Variants in DOP1A observed in about 807,000 individuals in gnomAD.
DOP1A encodes the protein protein DOP1A.
In DOP1A, 90 loss-of-function variants were observed where a neutral mutation model predicts 267.6. The observed-to-expected ratio is 0.34, with a 90% CI of 0.28 to 0.40. The LOEUF (loss-of-function observed/expected upper bound fraction) is 0.40, where lower values mean the gene tolerates loss of function less well. DOP1A is among the 10% of genes least tolerant of loss of function. The probability of loss-of-function intolerance (pLI) is 1.00; values close to 1 mark genes in which losing one functional copy is unlikely to be tolerated. For synonymous variants in DOP1A, 932 were observed against 999.1 expected (o/e 0.93, Z 1.27); for missense variants, 2,437 against 2,900.4 (o/e 0.84, Z 3.67).
chr6:83,157,135 G>A (rs1026421211), intron 34 of DOP1A, 47 bp from the exon 35 acceptor site: 6 of 1,585,920 alleles, frequency 3.8e-6, no homozygotes, highest in Non-Finnish European at 4.3e-6. Flanking sequence ...AAAGTTTTAT[G>A]TGATAAAGAT....
At chr6:83,118,355 G>T (rs1775815305) in intron 7 of DOP1A, among the ~76,000 whole-genome samples, 1 of 152,018 alleles carries the variant, frequency 6.6e-6, no homozygotes, top group Admixed American at 6.6e-5. Context: ...AAAAAGAAAT[G>T]GAACAAAATG....
intron 27 of DOP1A, 45 bp downstream of exon 27, chr6:83,148,908 T>C: frequency 1.7e-6 from 2 of 1,172,064 alleles, no homozygotes; most frequent in Non-Finnish European, 2.4e-6. Context: ...AGGATAATGT[T>C]AATTGTCCTA....
chr6:83,107,072 T>C (rs964778645), intron 4 of DOP1A, among the ~76,000 whole-genome samples: 4 of 152,016 alleles, frequency 2.6e-5, no homozygotes, highest in Non-Finnish European at 4.4e-5. Flanking sequence ...TTCATAAAAA[T>C]ATATATATAT....
rs185483797 is a variant in DOP1A, at chr6:83,116,579, G to A, written c.781-2309G>A. The stretch of plus-strand genomic sequence containing the variant: ...AATTCCAGCACTTTGGGAGGCCTAG[G>A]CAAGCAGATCACTTGAGGTCAGGAG... On this transcript the variant is annotated intron_variant, in intron 7 of 38. Coordinates refer to ENST00000349129, the MANE Select transcript of DOP1A (RefSeq NM_015018.4). Among the ~76,000 whole-genome samples the A allele has an allele frequency of 7.9e-3, 1,201 of 152,166 alleles. 17 individuals carry two copies. Among genetic ancestry groups the A allele is most frequent in the African/African-American group, 0.027 (1,137 of 41,516 alleles).
At position 83,117,684 on chromosome 6, in the gene DOP1A, A is replaced by G. The variant is rs954129527; in HGVS notation, c.781-1204A>G. Among the ~76,000 whole-genome samples the G allele has an allele frequency of 3.3e-5, 5 of 152,210 alleles. No individual in the cohort carries two copies. In the East Asian group the frequency reaches 7.7e-4, roughly 23 times the overall value. On this transcript the variant is annotated intron_variant, in intron 7 of 38. Transcript: ENST00000349129. ...ATATGTCAACAAAACAAAAAGCCCA[A>G]TAACATCTTTGTATTGTTATGAATA...
chr6:83,166,558 C>CA (rs368890859), intron 38 of DOP1A: 263 of 577,274 alleles, frequency 4.6e-4, no homozygotes, highest in South Asian at 8.7e-4. Flanking sequence ...AAGTCATTAG[C>CA]AAAAAAAAAG....
At chr6:83,122,282 G>A (rs1216361630) in intron 11 of DOP1A, among the ~76,000 whole-genome samples, 3 of 151,788 alleles carry the variant, frequency 2.0e-5, no homozygotes, top group Admixed American at 1.3e-4. Flanking sequence ...GGAGGAAATA[G>A]GTAATAGGCT....
chr6:83,131,775 A>G (rs1219438164), intron 17 of DOP1A, among the ~76,000 whole-genome samples: 2 of 151,954 alleles, frequency 1.3e-5, no homozygotes, highest in Non-Finnish European at 2.9e-5. Context: ...AGCTGGGATT[A>G]CAGGTGCATG....
chr6:83,129,366 C>T lies in DOP1A; in HGVS notation c.2199C>T (p.Asn733=). ...CACAAGGAGATGTAAAAGAGAAAAA[C>T]ATAAGTAAACAAAAAACTTCTAAAG... ...RNSQGDVKEK[N]ISKQKTSKEY... Residue 733 remains asparagine, a synonymous_variant, in exon 16 of 39, where the codon AAC becomes AAT. Coordinates refer to ENST00000349129, the MANE Select transcript of DOP1A (RefSeq NM_015018.4). 6.2e-7 allele frequency: 1 copy of T among 1,611,150 alleles called. No homozygotes were observed. The highest frequency in any genetic ancestry group is 1.7e-5 in the Admixed American group (1 of 59,354).
chr6:83,108,886 C>A, intron 4 of DOP1A, 24 bp from the exon 5 acceptor site: 1 of 1,597,360 alleles, frequency 6.3e-7, no homozygotes, highest in Non-Finnish European at 8.5e-7. Flanking sequence ...GCTTCCTTCT[C>A]CTTTGTCTTT....
intron 3 of DOP1A, among the ~76,000 whole-genome samples, chr6:83,099,708 G>GTGTGTGTA (rs1562294040): frequency 2.8e-5 from 2 of 72,004 alleles, no homozygotes; most frequent in African/African-American, 9.7e-5. Flanking sequence ...GTGTGTGTGT[G>GTGTGTGTA]TATATACATA....
chr6:83,096,013 A>G (rs1043263693), intron 1 of DOP1A, among the ~76,000 whole-genome samples: 6 of 152,160 alleles, frequency 3.9e-5, no homozygotes, highest in African/African-American at 1.4e-4. Context: ...CTTCTACCCT[A>G]TTCTTTTCAT....
Position 83,120,734 on chromosome 6 carries a change from A to G in DOP1A, c.1042A>G (p.Met348Val), listed in dbSNP as rs1222162715. ...VNGFGEENTL[M>V]QDLKPFRILI... ...TGGATTTGGAGAAGAGAACACTCTA[A>G]TGCAGGATCTAAAGCCTTTTCGCAT... Residue 348 changes from methionine (M) to valine (V), a missense_variant, in exon 10 of 39, where the codon ATG becomes GTG. Met to Val is a conservative substitution (Grantham distance 21). This residue lies in a region of DOP1A where 498 missense variants were observed against 513.5 expected (regional missense o/e 0.97). Transcript: ENST00000349129. The G allele has an allele frequency of 6.3e-7, 1 of 1,585,166 alleles. No homozygotes were observed. Among genetic ancestry groups the G allele is most frequent in the Non-Finnish European group, 8.6e-7 (1 of 1,159,966 alleles).
rs1268595360 is a variant in DOP1A, at chr6:83,096,950, C to T, written c.-28C>T. On this transcript the variant is annotated 5_prime_UTR_variant, in exon 3 of 39. Transcript: ENST00000349129. ...GTAATGACTTTACATGAGTTTGGAACTGGTCTCTAGTGGGAAGTTGTGGGA... is the reference window on the plus strand; with the variant it reads ...GTAATGACTTTACATGAGTTTGGAATTGGTCTCTAGTGGGAAGTTGTGGGA... 1.2e-6 allele frequency: 2 copies of T among 1,610,350 alleles called. No individual in the cohort carries two copies. Among genetic ancestry groups the T allele is most frequent in the South Asian group, 2.2e-5 (2 of 90,484 alleles).
intron 33 of DOP1A, 86 bp downstream of exon 33, chr6:83,154,327 G>A: frequency 2.4e-6 from 3 of 1,239,516 alleles, no homozygotes; most frequent in Non-Finnish European, 3.5e-6. Context: ...TGGAGACTAG[G>A]AGACTACTGA....
At chr6:83,158,104 T>C (rs1783237901) in intron 35 of DOP1A, among the ~76,000 whole-genome samples, 2 of 152,212 alleles carry the variant, frequency 1.3e-5, no homozygotes, top group South Asian at 4.1e-4. Flanking sequence ...GTTCAGGCCA[T>C]TCTCCTGCCT....
chr6:83,087,126 G>A (rs963103987), intron 1 of DOP1A, among the ~76,000 whole-genome samples: 2 of 152,100 alleles, frequency 1.3e-5, no homozygotes, highest in African/African-American at 4.8e-5. Context: ...TAGAGAATAT[G>A]GGTATAGGTG....
chr6:83,122,884 A>G lies in DOP1A; in HGVS notation c.1242A>G (p.Lys414=), dbSNP rs1435077768. 1 of 1,503,356 alleles carries G rather than the reference A, an allele frequency of 6.7e-7. No homozygotes were observed. Among genetic ancestry groups the G allele is most frequent in the Non-Finnish European group, 8.9e-7 (1 of 1,126,790 alleles). 93.1% of individuals were successfully genotyped at this position (1,503,356 alleles called of 1,614,324 possible). A position where few individuals can be genotyped will look rare whatever the true frequency, so the allele number is the denominator to read the frequency against. The change falls in exon 12 of 39, where the codon AAA becomes AAG. Residue 414 remains lysine (K), a synonymous_variant. Transcript: ENST00000349129. ...QLSSKLRENK[K]TAELIKTANL... ...TCAGTAAATTAAGAGAAAATAAGAA[A>G]ACAGCAGAGCTGATTAAAACTGCTA...
At chr6:83,144,545 A>G (rs1003610880) in intron 24 of DOP1A, among the ~76,000 whole-genome samples, 3 of 152,222 alleles carry the variant, frequency 2.0e-5, no homozygotes, top group Non-Finnish European at 4.4e-5. Flanking sequence ...AACAAATGCA[A>G]TGCTAGTACA....
Sources: gnomAD v4.1 joint callset for allele counts (sites outside exome capture counted in the v4.1 genomes callset) on GRCh38, gnomAD v4.1.1 for gene constraint, gnomAD v4.1.1 regional missense constraint, MANE v1.5 for transcripts, NCBI Gene and HGNC (gene_info 2026-07-23, HGNC 2026-07-21) for gene names.